Variants in ANO10 observed in about 807,000 individuals in gnomAD.
The protein encoded by ANO10 is anoctamin-10.
ANO10 carries 77 observed loss-of-function variants against 74.7 expected under a neutral mutation model. That is an observed-to-expected ratio of 1.03 (90% confidence interval 0.86 to 1.25). The LOEUF (loss-of-function observed/expected upper bound fraction) is 1.25, where lower values mean the gene tolerates loss of function less well. Among genes scored for constraint, ANO10 ranks in the 50% most tolerant of loss-of-function variants. The probability of loss-of-function intolerance (pLI) is 0.00; values close to 1 mark genes in which losing one functional copy is unlikely to be tolerated. For synonymous variants in ANO10, 279 were observed against 284.9 expected (o/e 0.98, Z 0.21); for missense variants, 721 against 778.1 (o/e 0.93, Z 0.87).
intron 1 of ANO10, among the ~76,000 whole-genome samples, chr3:43,657,627 A>G (rs1051411355): frequency 2.0e-5 from 3 of 152,250 alleles, no homozygotes; most frequent in African/African-American, 7.2e-5. Context: ...AACTAGTTTA[A>G]TCAATCTGAC....
chr3:43,493,008 T>C (rs1378201418), intron 11 of ANO10, among the ~76,000 whole-genome samples: 1 of 152,178 alleles, frequency 6.6e-6, no homozygotes, highest in Admixed American at 6.5e-5. Context: ...TACGGCACTA[T>C]TCACAATAGC....
intron 1 of ANO10, among the ~76,000 whole-genome samples, chr3:43,681,117 A>G (rs1251380430): frequency 6.6e-6 from 1 of 152,210 alleles, no homozygotes; most frequent in Non-Finnish European, 1.5e-5. Context: ...TGCTCCAATT[A>G]AAAGACACAG....
intron 12 of ANO10, among the ~76,000 whole-genome samples, chr3:43,369,074 C>A (rs2091514354): frequency 1.3e-5 from 2 of 152,160 alleles, no homozygotes; most frequent in African/African-American, 4.8e-5. Flanking sequence ...GGTGGATGGG[C>A]CTTCTCCTCC....
At chr3:43,422,395 G>A (rs2148916784) in intron 12 of ANO10, among the ~76,000 whole-genome samples, 1 of 152,222 alleles carries the variant, frequency 6.6e-6, no homozygotes, top group East Asian at 1.9e-4. Context: ...GATTACAGGT[G>A]TTAGCCACCG....
intron 11 of ANO10, among the ~76,000 whole-genome samples, chr3:43,480,366 C>T (rs756867939): frequency 2.0e-5 from 3 of 152,126 alleles, no homozygotes; most frequent in Non-Finnish European, 4.4e-5. Context: ...TCCCTCTGAT[C>T]GAGGAGACCA....
At chr3:43,600,340 T>C (rs1260612879) in intron 3 of ANO10, 44 bp downstream of exon 3, 1 of 1,606,394 alleles carries the variant, frequency 6.2e-7, no homozygotes, top group Admixed American at 1.7e-5. Flanking sequence ...TAAACTTCTT[T>C]TTGATAAATG....
At chr3:43,594,142 A>G (rs1371327329) in intron 4 of ANO10, among the ~76,000 whole-genome samples, 1 of 152,122 alleles carries the variant, frequency 6.6e-6, no homozygotes, top group African/African-American at 2.4e-5. Context: ...AGAGACTTAG[A>G]CTCCCACACA....
At chr3:43,569,379 A>C (rs1575450431) in intron 7 of ANO10, among the ~76,000 whole-genome samples, 1 of 145,094 alleles carries the variant, frequency 6.9e-6, no homozygotes, top group African/African-American at 2.6e-5. Context: ...CAGAGACACA[A>C]CCAAAAAAGA....
intron 11 of ANO10, among the ~76,000 whole-genome samples, chr3:43,511,228 A>T (rs181294361): frequency 6.6e-6 from 1 of 152,370 alleles, no homozygotes; most frequent in East Asian, 1.9e-4. Context: ...TTATTTATAC[A>T]TTATGGTTGT....
chr3:43,577,204 T>C lies in ANO10; in HGVS notation c.650A>G (p.Tyr217Cys), dbSNP rs146694902. ...CATGGGGATTAATGCAAAAGTGAAA[T>C]ACTCCAAAAATCCAAAGTACAGAGC... ...TIALYFGFLE[Y>C]FTFALIPMAV... Residue 217 changes from tyrosine to cysteine, a missense_variant, in exon 6 of 13, where the codon TAT (tyrosine) becomes TGT (cysteine). Coordinates refer to ENST00000292246, the MANE Select transcript of ANO10 (RefSeq NM_018075.5). 1.1e-4 allele frequency: 172 copies of C among 1,614,100 alleles called. No homozygotes were observed. In the African/African-American group the frequency reaches 2.1e-3, roughly 20 times the overall value.
At chr3:43,552,482 T>C (rs2079510724) in intron 10 of ANO10, among the ~76,000 whole-genome samples, 1 of 151,954 alleles carries the variant, frequency 6.6e-6, no homozygotes, top group African/African-American at 2.4e-5. Context: ...GAAAACTCAA[T>C]AAGAGAAGAA....
chr3:43,520,224 G>GT (rs1329163766), intron 11 of ANO10, among the ~76,000 whole-genome samples: 1 of 152,102 alleles, frequency 6.6e-6, no homozygotes, highest in Non-Finnish European at 1.5e-5. Flanking sequence ...CATTAATCCA[G>GT]TTTTAGTTGA....
intron 1 of ANO10, among the ~76,000 whole-genome samples, chr3:43,652,214 G>A (rs534340786): frequency 1.3e-5 from 2 of 152,060 alleles, no homozygotes; most frequent in South Asian, 4.2e-4. Flanking sequence ...AAGAACAAAG[G>A]TAGGGGGCTT....
chr3:43,599,461 G>A (rs893161037), intron 3 of ANO10, among the ~76,000 whole-genome samples: 1 of 152,018 alleles, frequency 6.6e-6, no homozygotes, highest in Non-Finnish European at 1.5e-5. Context: ...GGTTTCTAAG[G>A]TACTGAACTA....
chr3:43,413,512 T>C (rs1268792616), intron 12 of ANO10, among the ~76,000 whole-genome samples: 2 of 151,916 alleles, frequency 1.3e-5, no homozygotes, highest in Non-Finnish European at 2.9e-5. Flanking sequence ...AAGATGCCTG[T>C]TCCTGCTTCA....
intron 11 of ANO10, among the ~76,000 whole-genome samples, chr3:43,493,740 C>T (rs1030240695): frequency 6.6e-6 from 1 of 152,128 alleles, no homozygotes; most frequent in Non-Finnish European, 1.5e-5. Context: ...TACAAACCCA[C>T]AGCAAACAAC....
intron 1 of ANO10, among the ~76,000 whole-genome samples, chr3:43,643,746 C>T (rs1401063216): frequency 2.0e-5 from 3 of 146,902 alleles, no homozygotes; most frequent in African/African-American, 7.8e-5. Context: ...TGCAGTGGCG[C>T]AATCTCGGCT....
At chr3:43,485,157 G>A in intron 11 of ANO10, 1 of 754,896 alleles carries the variant, frequency 1.3e-6, no homozygotes, top group Non-Finnish European at 2.3e-6. Context: ...GTGGGCCCTG[G>A]CGCGGTAGCA....
At chr3:43,591,888 C>T (rs545104386) in intron 4 of ANO10, among the ~76,000 whole-genome samples, 21 of 152,302 alleles carry the variant, frequency 1.4e-4, no homozygotes, top group African/African-American at 4.8e-4. Flanking sequence ...AAAATTGGGT[C>T]ACCCTGACCC....
Sources: allele counts gnomAD v4.1 joint callset (sites outside exome capture counted in the v4.1 genomes callset), GRCh38; gene constraint gnomAD v4.1.1; transcripts MANE v1.5; gene names NCBI Gene and HGNC (gene_info 2026-07-23, HGNC 2026-07-21).